GATAD2B: variants seen among roughly 807,000 people sequenced by gnomAD.
GATAD2B encodes transcriptional repressor p66-beta.
A neutral mutation model predicts 64.3 loss-of-function variants in GATAD2B; 8 were observed. That is an observed-to-expected ratio of 0.12 (90% CI 0.07 to 0.22). The LOEUF (loss-of-function observed/expected upper bound fraction) is 0.22. GATAD2B is among the 10% of genes least tolerant of loss of function. The pLI is 1.00. For synonymous variants in GATAD2B, 281 were observed against 271.3 expected (o/e 1.04, Z -0.35); for missense variants, 453 against 752.0 (o/e 0.60, Z 4.65).
chr1:153,886,710 C>G (rs1339073912), intron 1 of GATAD2B, among the ~76,000 whole-genome samples: 4 of 151,202 alleles, frequency 2.6e-5, no homozygotes, highest in Non-Finnish European at 5.9e-5. Context: ...TGCCAACACG[C>G]CCGGCTAATT....
chr1:153,877,826 T>C (rs1400024732), intron 1 of GATAD2B, among the ~76,000 whole-genome samples: 2 of 148,672 alleles, frequency 1.3e-5, no homozygotes, highest in Admixed American at 6.8e-5. Flanking sequence ...TGCAGTGAGC[T>C]GAGATCATGC....
At chr1:153,852,720 G>C in intron 1 of GATAD2B, 1 of 928,496 alleles carries the variant, frequency 1.1e-6, no homozygotes, top group Admixed American at 1.7e-5. Flanking sequence ...CTCATACGAA[G>C]TGAAGCTTGG....
chr1:153,868,850 T>C (rs545711952), intron 1 of GATAD2B, among the ~76,000 whole-genome samples: 41 of 151,692 alleles, frequency 2.7e-4, no homozygotes, highest in Non-Finnish European at 5.3e-4. Context: ...TTCTCCTGCC[T>C]CAGCCTCCCG....
chr1:153,831,210 T>G (rs1440564763), intron 1 of GATAD2B, among the ~76,000 whole-genome samples: 1 of 152,158 alleles, frequency 6.6e-6, no homozygotes, highest in Non-Finnish European at 1.5e-5. Context: ...CTGGAACCCA[T>G]CAATCTCAGC....
intron 3 of GATAD2B, 144 bp downstream of exon 3, chr1:153,819,462 A>C (rs1327362938): frequency 1.7e-5 from 10 of 575,392 alleles, no homozygotes; most frequent in Non-Finnish European, 2.7e-5. Context: ...AAAGCCCTTG[A>C]AGTCAAGAGT....
chr1:153,882,276 G>T (rs1160317153), intron 1 of GATAD2B, among the ~76,000 whole-genome samples: 1 of 151,940 alleles, frequency 6.6e-6, no homozygotes, highest in African/African-American at 2.4e-5. Flanking sequence ...TCCAAGATAG[G>T]AAATCACAGC....
chr1:153,811,891 G>T, intron 9 of GATAD2B, 43 bp from the exon 10 acceptor site: 1 of 1,406,656 alleles, frequency 7.1e-7, no homozygotes, highest in Non-Finnish European at 1.0e-6. Flanking sequence ...TGATATGATA[G>T]AATGTTAAGC....
chr1:153,914,116 G>A (rs1291189765), intron 1 of GATAD2B, among the ~76,000 whole-genome samples: 5 of 148,956 alleles, frequency 3.4e-5, no homozygotes, highest in Middle Eastern at 3.6e-3. Flanking sequence ...GGTGGCAGGC[G>A]CCTGTAATCC....
rs539192092 is a variant in GATAD2B, at chr1:153,844,343, A to G, written c.-1-15995T>C. 1.2e-3 allele frequency among the ~76,000 whole-genome samples: 180 copies of G among 152,076 alleles called. 1 individual carries two copies. Among genetic ancestry groups the G allele is most frequent in the Middle Eastern group, 0.01 (3 of 294 alleles). ...TGGGGTATCGGGTAGAGTGCACAGG[A>G]AAGTCCTACCTTAGCACTAGGGAAT... On this transcript the variant is annotated intron_variant, in intron 1 of 10. Transcript: ENST00000368655.
chr1:153,837,376 A>C (rs1233359740), intron 1 of GATAD2B, among the ~76,000 whole-genome samples: 8 of 70,604 alleles, frequency 1.1e-4, no homozygotes, highest in African/African-American at 2.9e-4. Flanking sequence ...AACAAAACAA[A>C]CAAAAAAAAA....
chr1:153,883,669 G>GT (rs1475445878), intron 1 of GATAD2B, among the ~76,000 whole-genome samples: 1 of 150,834 alleles, frequency 6.6e-6, no homozygotes, highest in Non-Finnish European at 1.5e-5. Flanking sequence ...TAATTCCCAC[G>GT]TGAGTCTGCT....
At chr1:153,814,029 T>C (rs1355416152) in intron 7 of GATAD2B, among the ~76,000 whole-genome samples, 2 of 152,198 alleles carry the variant, frequency 1.3e-5, no homozygotes, top group East Asian at 3.8e-4. Flanking sequence ...AGCTGGGATG[T>C]TTCCTGATTT....
chr1:153,867,539 C>T lies in GATAD2B; in HGVS notation c.-1-39191G>A, dbSNP rs73015713. Among the ~76,000 whole-genome samples, 879 of 151,852 alleles carry T rather than the reference C, an allele frequency of 5.8e-3. 15 individuals are homozygous for T. The highest frequency in any genetic ancestry group is 0.02 in the African/African-American group (809 of 41,420). On this transcript the variant is annotated intron_variant, in intron 1 of 10. Coordinates refer to ENST00000368655, the MANE Select transcript of GATAD2B (RefSeq NM_020699.4). ...AAATAAATAAATAAAATCAAGGACC[C>T]CAAAGAGAGCAGTAACTAAAAGAGT...
intron 1 of GATAD2B, among the ~76,000 whole-genome samples, chr1:153,912,197 G>T (rs1250583774): frequency 1.3e-5 from 2 of 152,120 alleles, no homozygotes; most frequent in African/African-American, 4.8e-5. Flanking sequence ...TTCATAAAGG[G>T]TGGTACCTAT....
chr1:153,817,497 T>C lies in GATAD2B; in HGVS notation c.775A>G (p.Met259Val), dbSNP rs868424420. 15 of 1,611,554 alleles carry C rather than the reference T, an allele frequency of 9.3e-6. No individual in the cohort carries two copies. Among genetic ancestry groups the C allele is most frequent in the Admixed American group, 1.7e-5 (1 of 59,256 alleles). The change falls in exon 6 of 11, where the codon ATG (methionine) becomes GTG (valine). Residue 259 changes from methionine to valine, a missense_variant. Physicochemically the swap from Met to Val is conservative, Grantham distance 21 (BLOSUM62 1). This residue lies in a region of GATAD2B where 293 missense variants were observed against 417.2 expected (regional missense o/e 0.70). Transcript: ENST00000368655. ...RSATNTTLPH[M>V]LMSQRVIAPN... Reference sequence around the variant, plus strand: ...GCAATAACACGTTGAGACATCAACATGTGTGGAAGGGTGGTATTGGTAGCT... The same window carrying C: ...GCAATAACACGTTGAGACATCAACACGTGTGGAAGGGTGGTATTGGTAGCT...
At chr1:153,836,801 G>A (rs1675285664) in intron 1 of GATAD2B, among the ~76,000 whole-genome samples, 3 of 152,160 alleles carry the variant, frequency 2.0e-5, no homozygotes, top group African/African-American at 7.2e-5. Context: ...ATAACCTAGA[G>A]CTAGAGTTTG....
chr1:153,819,988 C>G (rs909496629), intron 2 of GATAD2B, among the ~76,000 whole-genome samples: 8 of 151,620 alleles, frequency 5.3e-5, no homozygotes, highest in Non-Finnish European at 1.0e-4. Flanking sequence ...GTCCCAGCTA[C>G]TCAGGAAGCT....
At chr1:153,873,626 CCA>C (rs1676737531) in intron 1 of GATAD2B, among the ~76,000 whole-genome samples, 2 of 152,204 alleles carry the variant, frequency 1.3e-5, no homozygotes, top group African/African-American at 4.8e-5. Flanking sequence ...CCTGGACTTT[CCA>C]GCCTCCAGAG....
intron 1 of GATAD2B, among the ~76,000 whole-genome samples, chr1:153,863,552 C>T (rs1676383025): frequency 1.3e-5 from 2 of 150,334 alleles, no homozygotes; most frequent in South Asian, 2.1e-4. Context: ...AATCTAAGTA[C>T]ATAATTAAAT....
Sources: gnomAD v4.1 joint callset for allele counts (sites outside exome capture counted in the v4.1 genomes callset) on GRCh38, gnomAD v4.1.1 for gene constraint, gnomAD v4.1.1 regional missense constraint, MANE v1.5 for transcripts, NCBI Gene and HGNC (gene_info 2026-07-23, HGNC 2026-07-21) for gene names.